Variants in CTNNA3 observed in about 807,000 individuals in gnomAD.
CTNNA3 encodes catenin alpha 3.
A neutral mutation model predicts 95.7 loss-of-function variants in CTNNA3; 76 were observed. The ratio of observed to expected loss-of-function variants is 0.79; its 90% CI spans 0.66 to 0.96. The LOEUF is 0.96. Ranked by LOEUF, CTNNA3 falls within the 40% of genes least tolerant of loss-of-function variation. CTNNA3 has a pLI of 0.00. For synonymous variants in CTNNA3, 431 were observed against 374.4 expected, an observed-to-expected ratio of 1.15 and a Z score of -1.74; for missense variants, 1,191 against 1,089.8, an observed-to-expected ratio of 1.09 and a Z score of -1.31.
intron 2 of CTNNA3, among the ~76,000 whole-genome samples, chr10:67,638,570 C>T (rs1233439945): frequency 1.3e-5 from 2 of 152,178 alleles, no homozygotes; most frequent in African/African-American, 4.8e-5. Flanking sequence ...TTCTCAGCAC[C>T]GCACTGCACT....
intron 13 of CTNNA3, among the ~76,000 whole-genome samples, chr10:66,227,142 C>A (rs1366558751): frequency 6.6e-6 from 1 of 152,064 alleles, no homozygotes; most frequent in Non-Finnish European, 1.5e-5. Flanking sequence ...TGGGACTACA[C>A]AAATATGCCA....
At chr10:66,719,134 G>A (rs896322382) in intron 9 of CTNNA3, among the ~76,000 whole-genome samples, 5 of 152,028 alleles carry the variant, frequency 3.3e-5, no homozygotes, top group South Asian at 4.2e-4. Flanking sequence ...GTGATCTTAC[G>A]AACTTTGTTT....
intron 2 of CTNNA3, among the ~76,000 whole-genome samples, chr10:67,642,354 T>A (rs1242109507): frequency 6.6e-6 from 1 of 151,238 alleles, no homozygotes; most frequent in Non-Finnish European, 1.5e-5. Flanking sequence ...AAAAAAACAT[T>A]AAAAAGTGGG....
chr10:67,151,954 C>G (rs1173845954), intron 7 of CTNNA3, among the ~76,000 whole-genome samples: 2 of 152,212 alleles, frequency 1.3e-5, no homozygotes. Flanking sequence ...TCCCCCTATT[C>G]TGCCCTCCCC....
chr10:67,455,974 A>T (rs983076364), intron 5 of CTNNA3, among the ~76,000 whole-genome samples: 1 of 152,214 alleles, frequency 6.6e-6, no homozygotes, highest in Admixed American at 6.5e-5. Flanking sequence ...TAAGGTTACA[A>T]TAGAAGAAAC....
chr10:66,697,078 T>C (rs1245893873), intron 9 of CTNNA3, among the ~76,000 whole-genome samples: 1 of 152,038 alleles, frequency 6.6e-6, no homozygotes, highest in Non-Finnish European at 1.5e-5. Context: ...CAACTGCCCA[T>C]CCACAAAATA....
intron 3 of CTNNA3, among the ~76,000 whole-genome samples, chr10:67,563,122 A>G (rs1191635416): frequency 6.6e-6 from 1 of 152,190 alleles, no homozygotes; most frequent in African/African-American, 2.4e-5. Flanking sequence ...CTTTCTTCAC[A>G]GAATTGGAAA....
chr10:66,621,678 CTT>C lies in CTNNA3; in HGVS notation c.1374+12_1374+13del, dbSNP rs1844755239. 3 of 1,478,266 alleles carry C rather than the reference CTT, an allele frequency of 2.0e-6. No individual in the cohort carries two copies. The African/African-American group carries it at 4.2e-5, about 21-fold the overall frequency. 91.6% of individuals were successfully genotyped at this position (1,478,266 alleles called of 1,614,324 possible). On this transcript the variant is annotated intron_variant, in intron 10 of 17. Transcript: ENST00000433211. ...ATATAATTTTACACACAAAAAGTAA[CTT>C]AGTTGTCATACCTGTGGACACAAGG...
At chr10:66,129,319 A>ACTCT (rs1422973320) in intron 13 of CTNNA3, among the ~76,000 whole-genome samples, 2 of 152,108 alleles carry the variant, frequency 1.3e-5, no homozygotes, top group Admixed American at 6.6e-5. Flanking sequence ...GCAGCAAGCT[A>ACTCT]CTCTCACATT....
chr10:66,230,554 G>A (rs1299628546), intron 13 of CTNNA3, among the ~76,000 whole-genome samples: 1 of 152,118 alleles, frequency 6.6e-6, no homozygotes, highest in African/African-American at 2.4e-5. Context: ...GGGATGCCAG[G>A]TTGGTTGGTC....
At chr10:66,443,366 G>T (rs568640623) in intron 11 of CTNNA3, among the ~76,000 whole-genome samples, 12 of 152,290 alleles carry the variant, frequency 7.9e-5, no homozygotes, top group African/African-American at 2.4e-4. Flanking sequence ...CTCCTTAAGT[G>T]GGTGTCTGAC....
Position 65,912,868 on chromosome 10 carries a change from A to C in CTNNA3, c.*7462T>G, listed in dbSNP as rs896432934. On this transcript the variant is annotated 3_prime_UTR_variant, in exon 18 of 18. Coordinates refer to ENST00000433211, the MANE Select transcript of CTNNA3 (RefSeq NM_013266.4). Reference sequence around the variant, plus strand: ...CTTTAAGGATAAATATGGACCAGAAAGGCCTACAGTATTTTTGCCAAATTT... The same window carrying C: ...CTTTAAGGATAAATATGGACCAGAACGGCCTACAGTATTTTTGCCAAATTT... 6.6e-5 allele frequency: 10 copies of C among 152,204 alleles called. No individual in the cohort carries two copies. The highest frequency in any genetic ancestry group is 2.4e-4 in the African/African-American group (10 of 41,452). 9.4% of individuals were successfully genotyped at this position (152,204 alleles called of 1,614,324 possible).
At chr10:66,352,484 GA>G (rs1412226536) in intron 12 of CTNNA3, among the ~76,000 whole-genome samples, 1 of 152,156 alleles carries the variant, frequency 6.6e-6, no homozygotes, top group African/African-American at 2.4e-5. Flanking sequence ...AATGGGGTCT[GA>G]AAGATGAAGG....
intron 1 of CTNNA3, among the ~76,000 whole-genome samples, chr10:67,726,430 AT>A (rs1841220563): frequency 2.0e-4 from 1 of 5,102 alleles, no homozygotes; most frequent in South Asian, 7.8e-3. Flanking sequence ...TATATATTAT[AT>A]CATATATAAT....
intron 15 of CTNNA3, among the ~76,000 whole-genome samples, chr10:66,053,089 G>A (rs1249233895): frequency 2.0e-5 from 3 of 151,968 alleles, no homozygotes; most frequent in Non-Finnish European, 4.4e-5. Context: ...ATTCACAAAG[G>A]TGCATCCATT....
chr10:67,681,167 T>A (rs1840619444), intron 1 of CTNNA3, among the ~76,000 whole-genome samples: 1 of 152,182 alleles, frequency 6.6e-6, no homozygotes. Context: ...GAGAACTTGA[T>A]AAAATGTTAA....
chr10:66,212,357 T>C (rs925950756), intron 13 of CTNNA3, among the ~76,000 whole-genome samples: 16 of 152,198 alleles, frequency 1.1e-4, no homozygotes, highest in Admixed American at 4.6e-4. Flanking sequence ...ATGTGTGCTT[T>C]AAGGATTTTA....
Position 67,177,614 on chromosome 10 carries a change from G to C in CTNNA3, c.1047+2703C>G, listed in dbSNP as rs573360130. 3.9e-5 allele frequency among the ~76,000 whole-genome samples: 6 copies of C among 152,326 alleles called. No homozygotes were observed. The South Asian group carries it at 1.0e-3, about 26-fold the overall frequency. Reference sequence around the variant, plus strand: ...TAGAAAGATGAGGACTTAAGTATTAGAGCCATCCCAAGTCTTTGAGCAAAC... The same window carrying C: ...TAGAAAGATGAGGACTTAAGTATTACAGCCATCCCAAGTCTTTGAGCAAAC... On this transcript the variant is annotated intron_variant, in intron 7 of 17. Transcript: ENST00000433211.
intron 9 of CTNNA3, among the ~76,000 whole-genome samples, chr10:66,732,356 T>C (rs1274492363): frequency 6.6e-6 from 1 of 152,196 alleles, no homozygotes; most frequent in East Asian, 1.9e-4. Flanking sequence ...AATTTAGCAC[T>C]ACAGAGTGTT....
Sources: allele counts gnomAD v4.1 joint callset (sites outside exome capture counted in the v4.1 genomes callset), GRCh38; gene constraint gnomAD v4.1.1; transcripts MANE v1.5; gene names NCBI Gene and HGNC (gene_info 2026-07-23, HGNC 2026-07-21).